RBFOX1: variants seen among roughly 807,000 people sequenced by gnomAD.
The protein encoded by RBFOX1 is RNA binding fox-1 homolog 1.
A neutral mutation model predicts 57.7 loss-of-function variants in RBFOX1; 8 were observed. That is an observed-to-expected ratio of 0.14 (90% CI 0.08 to 0.25). RBFOX1 has a LOEUF of 0.25. Among genes scored for constraint, RBFOX1 ranks in the 10% least tolerant of loss-of-function variants. RBFOX1 has a pLI of 1.00. For synonymous variants in RBFOX1, 326 were observed against 222.4 expected (o/e 1.47, Z -4.15); for missense variants, 611 against 548.5 (o/e 1.11, Z -1.14).
intron 2 of RBFOX1, among the ~76,000 whole-genome samples, chr16:6,590,967 G>C (rs74005196): frequency 6.6e-6 from 1 of 152,218 alleles, no homozygotes; most frequent in East Asian, 1.9e-4. Context: ...GAGAGTCCCA[G>C]TGCTGGACTA....
At chr16:5,864,919 A>C (rs527936888) in intron 3 of RBFOX1, among the ~76,000 whole-genome samples, 2 of 152,190 alleles carry the variant, frequency 1.3e-5, no homozygotes, top group Non-Finnish European at 2.9e-5. Flanking sequence ...TAGTCATTAT[A>C]CTTTTTAAAA....
chr16:6,019,895 G>T lies in RBFOX1; in HGVS notation c.-224G>T. On this transcript the variant is annotated 5_prime_UTR_variant, in exon 1 of 16. Coordinates refer to ENST00000550418, the MANE Select transcript of RBFOX1 (RefSeq NM_018723.4). The surrounding 1 kb of genome is among the most constrained non-coding windows in gnomAD (Gnocchi z 4.2). The stretch of plus-strand genomic sequence containing the variant: ...CCAGCACCCCCTTCCGCCGCCTCCA[G>T]CTTATGGTGAGTGTGGCTGGGGGTG... The T allele has an allele frequency of 6.5e-7, 1 of 1,535,150 alleles. No homozygotes were observed. The highest frequency in any genetic ancestry group is 2.4e-5 in the East Asian group (1 of 40,834).
intron 2 of RBFOX1, among the ~76,000 whole-genome samples, chr16:5,486,856 A>G (rs1057491949): frequency 6.6e-6 from 1 of 151,836 alleles, no homozygotes; most frequent in African/African-American, 2.4e-5. Flanking sequence ...ATAAAACCTG[A>G]GACTCCTTTA....
intron 2 of RBFOX1, among the ~76,000 whole-genome samples, chr16:6,376,719 G>A (rs763624198): frequency 2.4e-4 from 37 of 152,124 alleles, no homozygotes; most frequent in Non-Finnish European, 4.7e-4. Context: ...AGTATCAGAA[G>A]CTCAGTGGCC....
intron 2 of RBFOX1, among the ~76,000 whole-genome samples, chr16:5,589,243 G>C (rs922253732): frequency 6.6e-6 from 1 of 152,184 alleles, no homozygotes; most frequent in Non-Finnish European, 1.5e-5. Context: ...GAACATGAGT[G>C]TACCAAGGGA....
At chr16:7,057,624 A>G (rs897073116) in intron 4 of RBFOX1, among the ~76,000 whole-genome samples, 12 of 152,162 alleles carry the variant, frequency 7.9e-5, no homozygotes, top group African/African-American at 1.2e-4. Flanking sequence ...CTGTCCAGGG[A>G]AGTGGTATGA....
chr16:5,351,780 C>A (rs1046622208), intron 1 of RBFOX1, among the ~76,000 whole-genome samples: 2 of 152,066 alleles, frequency 1.3e-5, no homozygotes, highest in African/African-American at 4.8e-5. Flanking sequence ...TTGCTTGAAG[C>A]TTTAGGCTCT....
intron 4 of RBFOX1, among the ~76,000 whole-genome samples, chr16:7,057,351 A>C (rs1410458271): frequency 6.6e-6 from 1 of 152,192 alleles, no homozygotes; most frequent in African/African-American, 2.4e-5. Flanking sequence ...AGAGCTTAGA[A>C]TGGGAAAGCT....
At chr16:7,393,025 C>T (rs2098068149) in intron 4 of RBFOX1, among the ~76,000 whole-genome samples, 1 of 152,124 alleles carries the variant, frequency 6.6e-6, no homozygotes, top group Admixed American at 6.5e-5. Flanking sequence ...AGGCCCATGC[C>T]ACCACACCTG....
At chr16:6,430,001 G>T (rs1445473361) in intron 2 of RBFOX1, among the ~76,000 whole-genome samples, 1 of 152,024 alleles carries the variant, frequency 6.6e-6, no homozygotes, top group African/African-American at 2.4e-5. Flanking sequence ...CCAGCTACTT[G>T]GGAGGCTGGG....
At chr16:5,680,336 G>A (rs1020348115) in intron 3 of RBFOX1, among the ~76,000 whole-genome samples, 1 of 152,158 alleles carries the variant, frequency 6.6e-6, no homozygotes, top group Non-Finnish European at 1.5e-5. Flanking sequence ...TCACTTTGCG[G>A]CCAAGTCCAT....
chr16:5,713,347 C>T (rs2051566097), intron 3 of RBFOX1, among the ~76,000 whole-genome samples: 1 of 152,110 alleles, frequency 6.6e-6, no homozygotes, highest in Non-Finnish European at 1.5e-5. Context: ...GACTTAAGTA[C>T]AGGAATGAGA....
intron 1 of RBFOX1, among the ~76,000 whole-genome samples, chr16:5,252,838 T>G (rs540588363): frequency 1.3e-5 from 2 of 151,918 alleles, no homozygotes; most frequent in Non-Finnish European, 2.9e-5. Flanking sequence ...CCCCACCACC[T>G]CCCCCTTCCA....
intron 4 of RBFOX1, among the ~76,000 whole-genome samples, chr16:7,458,925 T>A (rs1429942107): frequency 1.3e-5 from 2 of 152,238 alleles, no homozygotes; most frequent in African/African-American, 4.8e-5. Context: ...GGTAGATATT[T>A]TAGCATGTTT....
At chr16:6,555,196 C>A (rs147397407) in intron 2 of RBFOX1, among the ~76,000 whole-genome samples, 11 of 152,092 alleles carry the variant, frequency 7.2e-5, no homozygotes, top group Non-Finnish European at 1.5e-4. Flanking sequence ...AGTCCTAGAC[C>A]AGAGAATGTT....
intron 1 of RBFOX1, among the ~76,000 whole-genome samples, chr16:5,280,610 A>G (rs1221629167): frequency 1.3e-5 from 2 of 152,164 alleles, no homozygotes; most frequent in African/African-American, 2.4e-5. Flanking sequence ...CAAACCTGCT[A>G]TTCATTTTGG....
chr16:6,743,130 C>T (rs1241328504), intron 3 of RBFOX1, among the ~76,000 whole-genome samples: 1 of 151,986 alleles, frequency 6.6e-6, no homozygotes, highest in African/African-American at 2.4e-5. Flanking sequence ...TAAAGATTTG[C>T]CTTTTATAGT....
At chr16:6,824,315 A>G (rs955869229) in intron 3 of RBFOX1, among the ~76,000 whole-genome samples, 12 of 152,144 alleles carry the variant, frequency 7.9e-5, no homozygotes, top group Non-Finnish European at 1.3e-4. Context: ...CTGCGGTAGG[A>G]GAGTCACTTG....
At chr16:6,521,379 C>G (rs960730210) in intron 2 of RBFOX1, among the ~76,000 whole-genome samples, 1 of 151,714 alleles carries the variant, frequency 6.6e-6, no homozygotes, top group East Asian at 2.0e-4. Context: ...TTTAATTAAA[C>G]CTTTCCTTCC....
Sources: gnomAD v4.1 joint callset for allele counts (sites outside exome capture counted in the v4.1 genomes callset) on GRCh38, gnomAD v4.1.1 for gene constraint, Gnocchi (gnomAD v3.1) non-coding constraint, MANE v1.5 for transcripts, NCBI Gene and HGNC (gene_info 2026-07-23, HGNC 2026-07-21) for gene names.